Variants in NAALADL2 observed in about 807,000 individuals in gnomAD.
NAALADL2 encodes the protein inactive N-acetylated-alpha-linked acidic dipeptidase-like protein 2.
A neutral mutation model predicts 87.2 loss-of-function variants in NAALADL2; 76 were observed. The ratio of observed to expected loss-of-function variants is 0.87; its 90% CI spans 0.72 to 1.05. The LOEUF is 1.05. Ranked by LOEUF, NAALADL2 falls within the 50% of genes least tolerant of loss-of-function variation. The pLI is 0.00. For synonymous variants in NAALADL2, 354 were observed against 331.0 expected (o/e 1.07, Z -0.75); for missense variants, 1,089 against 945.8 (o/e 1.15, Z -1.99).
chr3:174,926,141 A>G (rs1339660031), intron 1 of NAALADL2, among the ~76,000 whole-genome samples: 1 of 152,178 alleles, frequency 6.6e-6, no homozygotes, highest in Non-Finnish European at 1.5e-5. Context: ...ATGAAGCGAG[A>G]AGAGAAGTTT....
chr3:175,029,677 A>C (rs1324948461), intron 1 of NAALADL2, among the ~76,000 whole-genome samples: 1 of 152,058 alleles, frequency 6.6e-6, no homozygotes, highest in Non-Finnish European at 1.5e-5. Context: ...AATAAGTCTA[A>C]ATGAAAATAT....
At chr3:175,415,688 T>A (rs937905897) in intron 5 of NAALADL2, among the ~76,000 whole-genome samples, 1 of 152,106 alleles carries the variant, frequency 6.6e-6, no homozygotes, top group Non-Finnish European at 1.5e-5. Context: ...ATCTCAACAC[T>A]GTTATTGTAA....
intron 5 of NAALADL2, among the ~76,000 whole-genome samples, chr3:175,430,862 G>T (rs1226163987): frequency 6.6e-6 from 1 of 151,920 alleles, no homozygotes; most frequent in African/African-American, 2.4e-5. Flanking sequence ...ATAATTTCCT[G>T]TTGCTTATGG....
chr3:174,843,281 G>C (rs1724229406), intron 3 of NAALADL2, among the ~76,000 whole-genome samples: 1 of 151,518 alleles, frequency 6.6e-6, no homozygotes, highest in African/African-American at 2.4e-5. Flanking sequence ...CTGTTAACCA[G>C]TGTTCTACTC....
At chr3:174,684,743 G>A (rs1727868147) in intron 2 of NAALADL2, among the ~76,000 whole-genome samples, 1 of 152,042 alleles carries the variant, frequency 6.6e-6, no homozygotes, top group South Asian at 2.1e-4. Context: ...TTAAAATTCA[G>A]AAGAGTTTTC....
At chr3:175,143,551 C>CA (rs200363916) in intron 2 of NAALADL2, among the ~76,000 whole-genome samples, 1,461 of 113,294 alleles carry the variant, frequency 0.013, 29 homozygotes, top group African/African-American at 0.048. Flanking sequence ...CAATGTTAGC[C>CA]AAAAAAAAAA....
At chr3:174,669,831 T>C (rs572819781) in intron 2 of NAALADL2, among the ~76,000 whole-genome samples, 1 of 152,200 alleles carries the variant, frequency 6.6e-6, no homozygotes, top group South Asian at 2.1e-4. Flanking sequence ...CTTTCGATAG[T>C]ATGAATATTT....
At position 175,185,746 on chromosome 3, in the gene NAALADL2, ATTAT is replaced by A. The variant is rs547267799; in HGVS notation, c.546-48182_546-48179del. 2.1e-4 allele frequency among the ~76,000 whole-genome samples: 32 copies of A among 149,896 alleles called. No individual in the cohort carries two copies. In the South Asian group the frequency reaches 6.2e-3, roughly 29 times the overall value. On this transcript the variant is annotated intron_variant, in intron 2 of 13. Coordinates refer to ENST00000454872, the MANE Select transcript of NAALADL2 (RefSeq NM_207015.3). ...ATAATTGTATAAGCTTTTTTATATA[ATTAT>A]TTTATATAATTATATAAGCCTTTTG...
At chr3:175,180,328 A>G (rs918510390) in intron 2 of NAALADL2, among the ~76,000 whole-genome samples, 2 of 152,052 alleles carry the variant, frequency 1.3e-5, no homozygotes, top group Admixed American at 1.3e-4. Flanking sequence ...TTAATGCAAT[A>G]TAACATAGTT....
intron 4 of NAALADL2, chr3:175,256,748 C>A (rs902783846): frequency 6.1e-6 from 2 of 325,372 alleles, no homozygotes; most frequent in East Asian, 5.2e-5. Context: ...TATTTATGCC[C>A]TTATTTCTTT....
At chr3:175,774,806 A>T (rs1361783950) in intron 13 of NAALADL2, 1 of 152,068 alleles carries the variant, frequency 6.6e-6, no homozygotes. Context: ...ATAAAGTGAA[A>T]ATATAACATT....
intron 5 of NAALADL2, among the ~76,000 whole-genome samples, chr3:175,405,914 A>C (rs62288020): frequency 6.6e-6 from 1 of 152,140 alleles, no homozygotes. Flanking sequence ...GATTACTTGC[A>C]TATTTCTTTT....
At chr3:175,188,431 C>T (rs1190453093) in intron 2 of NAALADL2, among the ~76,000 whole-genome samples, 1 of 152,062 alleles carries the variant, frequency 6.6e-6, no homozygotes, top group Non-Finnish European at 1.5e-5. Context: ...GTCATGACCT[C>T]CAGTGCCTGA....
intron 3 of NAALADL2, among the ~76,000 whole-genome samples, chr3:174,848,082 T>C (rs1422858984): frequency 6.6e-6 from 1 of 152,016 alleles, no homozygotes; most frequent in African/African-American, 2.4e-5. Flanking sequence ...ATGGTTTCAA[T>C]CAAGTTATTT....
intron 2 of NAALADL2, among the ~76,000 whole-genome samples, chr3:175,178,227 G>A (rs1487166771): frequency 6.6e-6 from 1 of 151,868 alleles, no homozygotes; most frequent in African/African-American, 2.4e-5. Context: ...CTTTGTTGGT[G>A]TTAGTTATAT....
chr3:175,093,422 A>ATATATATG (rs1274356833), intron 1 of NAALADL2, among the ~76,000 whole-genome samples: 1 of 139,462 alleles, frequency 7.2e-6, no homozygotes, highest in African/African-American at 2.6e-5. Flanking sequence ...TTTTTTATAT[A>ATATATATG]TATATATATA....
In NAALADL2 at chr3:174,742,031, T is replaced by A. The variant is rs370091660; in HGVS notation, c.-9+4285T>A. Among the ~76,000 whole-genome samples, 84 of 151,866 alleles carry A rather than the reference T, an allele frequency of 5.5e-4. 1 individual carries two copies. Among genetic ancestry groups the A allele is most frequent in the African/African-American group, 1.9e-3 (77 of 41,550 alleles). On this transcript the variant is annotated intron_variant, in intron 3 of 3. Coordinates refer to the NAALADL2 transcript ENST00000434257. Reference sequence around the variant, plus strand: ...ATGAACTGTTTCTAAAATTGATTTTTTTCAAACTGAATGTTCACCTTTTAA... The same window carrying A: ...ATGAACTGTTTCTAAAATTGATTTTATTCAAACTGAATGTTCACCTTTTAA...
chr3:174,567,805 A>G (rs1714463536), intron 2 of NAALADL2, among the ~76,000 whole-genome samples: 1 of 151,706 alleles, frequency 6.6e-6, no homozygotes, highest in Non-Finnish European at 1.5e-5. Flanking sequence ...GGTACCCAGT[A>G]GTCTCCCAAA....
At chr3:175,682,316 T>C (rs537118163) in intron 11 of NAALADL2, among the ~76,000 whole-genome samples, 1 of 152,056 alleles carries the variant, frequency 6.6e-6, no homozygotes, top group East Asian at 1.9e-4. Flanking sequence ...TAAGAATAGA[T>C]TAAAAGTAGA....
Sources: gnomAD v4.1 joint callset for allele counts (sites outside exome capture counted in the v4.1 genomes callset) on GRCh38, gnomAD v4.1.1 for gene constraint, MANE v1.5 for transcripts, NCBI Gene and HGNC (gene_info 2026-07-23, HGNC 2026-07-21) for gene names.